Variants in BACH2 observed in about 807,000 individuals in gnomAD.
BACH2 encodes the protein BACH transcriptional regulator 2.
Under a neutral mutation model 61.8 loss-of-function variants are expected in BACH2, and 5 were observed. The ratio of observed to expected loss-of-function variants is 0.08; its 90% CI spans 0.04 to 0.17. The LOEUF is 0.17. Among genes scored for constraint, BACH2 ranks in the 10% least tolerant of loss-of-function variants. The pLI is 1.00. For missense variants in BACH2, 824 were observed against 1,091.1 expected, an observed-to-expected ratio of 0.76 and a Z score of 3.45; for synonymous variants, 446 against 440.1, an observed-to-expected ratio of 1.01 and a Z score of -0.17.
intron 3 of BACH2, among the ~76,000 whole-genome samples, chr6:90,243,611 C>T (rs1582525349): frequency 6.6e-6 from 1 of 152,188 alleles, no homozygotes; most frequent in Non-Finnish European, 1.5e-5. Flanking sequence ...TTTCCACACC[C>T]TCCCTAATAT....
chr6:90,165,179 C>CA (rs1232283987), intron 4 of BACH2, among the ~76,000 whole-genome samples: 1 of 152,170 alleles, frequency 6.6e-6, no homozygotes, highest in African/African-American at 2.4e-5. Flanking sequence ...CATCTCAGCA[C>CA]AAAATCTCCT....
chr6:90,243,243 G>A (rs562898127), intron 3 of BACH2, among the ~76,000 whole-genome samples: 24 of 151,858 alleles, frequency 1.6e-4, no homozygotes, highest in Middle Eastern at 3.4e-3. Context: ...ATAACTAGTC[G>A]CAAGGATCGT....
Position 90,116,873 on chromosome 6 carries a change from C to T in BACH2, c.-161-27764G>A, listed in dbSNP as rs550348353. The stretch of plus-strand genomic sequence containing the variant: ...GCACGCTTTGATATTTGATAGATGC[C>T]TCCAGGACCAAGGGATGTCTTTTTT... On this transcript the variant is annotated intron_variant, in intron 4 of 8. Transcript: ENST00000257749. 5.5e-5 allele frequency: 34 copies of T among 623,832 alleles called. 1 individual carries two copies. The East Asian group carries it at 1.6e-3, about 30-fold the overall frequency. The allele number at this position is 623,832 out of a possible 1,614,324, so 38.6% of individuals were successfully genotyped here. A position where few individuals can be genotyped will look rare whatever the true frequency, so the allele number is the denominator to read the frequency against.
chr6:90,204,063 T>C (rs913994354), intron 4 of BACH2, among the ~76,000 whole-genome samples: 1 of 152,124 alleles, frequency 6.6e-6, no homozygotes, highest in African/African-American at 2.4e-5. Context: ...AAAAGAGAGC[T>C]GTCAATGTCT....
At position 90,259,503 on chromosome 6, in the gene BACH2, A is replaced by G. The variant is rs559519319; in HGVS notation, c.-352-6913T>C. Among the ~76,000 whole-genome samples the G allele has an allele frequency of 4.6e-5, 7 of 152,336 alleles. No individual in the cohort carries two copies. In the South Asian group the frequency reaches 1.4e-3, roughly 32 times the overall value. ...TTTTACTGGGGCTTTTTGCACCAAT[A>G]TTCATCAGAGAAATTGGGTTTAAAT... On this transcript the variant is annotated intron_variant, in intron 2 of 8. Coordinates refer to ENST00000257749, the MANE Select transcript of BACH2 (RefSeq NM_021813.4).
intron 5 of BACH2, among the ~76,000 whole-genome samples, chr6:90,069,027 T>C (rs1781098907): frequency 6.6e-6 from 1 of 152,166 alleles, no homozygotes; most frequent in Non-Finnish European, 1.5e-5. Flanking sequence ...CTTCCCTCTG[T>C]CTTTCTGCTT....
chr6:90,190,083 AC>A (rs1434384886), intron 4 of BACH2, among the ~76,000 whole-genome samples: 1 of 152,132 alleles, frequency 6.6e-6, no homozygotes, highest in Non-Finnish European at 1.5e-5. Context: ...AGCTGGGATT[AC>A]AGGTGCACAC....
intron 3 of BACH2, among the ~76,000 whole-genome samples, chr6:90,209,043 G>A (rs1403929524): frequency 6.8e-6 from 1 of 147,946 alleles, no homozygotes; most frequent in Non-Finnish European, 1.5e-5. Context: ...TCATACACCA[G>A]GGCCTGTCGG....
chr6:90,284,082 C>G, intron 1 of BACH2, among the ~76,000 whole-genome samples: 2 of 152,190 alleles, frequency 1.3e-5, no homozygotes, highest in Middle Eastern at 6.8e-3. Flanking sequence ...ACATGTTGGT[C>G]TTACAGTCTA....
chr6:89,974,459 C>T (rs957006263), intron 6 of BACH2, among the ~76,000 whole-genome samples: 9 of 152,146 alleles, frequency 5.9e-5, no homozygotes, highest in Non-Finnish European at 1.3e-4. Context: ...AAACAGAGTC[C>T]TTTTCTTAGT....
At chr6:90,088,869 A>T (rs1782039227) in intron 5 of BACH2, 92 bp downstream of exon 5, 1 of 152,300 alleles carries the variant, frequency 6.6e-6, no homozygotes, top group Non-Finnish European at 1.5e-5. Flanking sequence ...AAAAAAAAGT[A>T]ATTCATGTGT....
chr6:90,201,457 T>G (rs1378653879), intron 4 of BACH2, among the ~76,000 whole-genome samples: 2 of 152,250 alleles, frequency 1.3e-5, no homozygotes, highest in Admixed American at 1.3e-4. Context: ...TTCTATTTTG[T>G]TGATCATATT....
At chr6:89,939,795 G>T (rs1331166564) in intron 7 of BACH2, among the ~76,000 whole-genome samples, 2 of 146,704 alleles carry the variant, frequency 1.4e-5, no homozygotes, top group African/African-American at 5.0e-5. Context: ...CTCCCAAGTA[G>T]CTGGGACAAC....
chr6:90,199,692 T>C (rs1225634346), intron 4 of BACH2, among the ~76,000 whole-genome samples: 1 of 152,176 alleles, frequency 6.6e-6, no homozygotes, highest in Non-Finnish European at 1.5e-5. Flanking sequence ...GCACCTCACA[T>C]TCGACAGGAC....
chr6:90,285,422 A>T (rs1436620355), intron 1 of BACH2, among the ~76,000 whole-genome samples: 1 of 152,346 alleles, frequency 6.6e-6, no homozygotes, highest in African/African-American at 2.4e-5. Flanking sequence ...AAGCCTAACT[A>T]AGTTAAAGGT....
intron 5 of BACH2, among the ~76,000 whole-genome samples, chr6:90,019,171 T>C (rs532997009): frequency 5.3e-5 from 8 of 152,296 alleles, no homozygotes; most frequent in African/African-American, 1.9e-4. Context: ...GTGGAGCATT[T>C]AATGTTCTAG....
intron 4 of BACH2, among the ~76,000 whole-genome samples, chr6:90,190,743 A>G (rs147398353): frequency 6.6e-6 from 1 of 152,336 alleles, no homozygotes; most frequent in African/African-American, 2.4e-5. Flanking sequence ...AAAAATGTAT[A>G]TGCATACCAA....
intron 4 of BACH2, among the ~76,000 whole-genome samples, chr6:90,121,674 C>T (rs1783631765): frequency 6.6e-6 from 1 of 152,064 alleles, no homozygotes; most frequent in African/African-American, 2.4e-5. Context: ...TCCCGAGTAG[C>T]TGGGATCTTA....
chr6:90,184,407 AAAAG>A (rs1768276812), intron 4 of BACH2, among the ~76,000 whole-genome samples: 1 of 152,206 alleles, frequency 6.6e-6, no homozygotes, highest in Non-Finnish European at 1.5e-5. Flanking sequence ...TGGCAGAGGT[AAAAG>A]AAAGATTCTG....
Sources: gnomAD v4.1 joint callset for allele counts (sites outside exome capture counted in the v4.1 genomes callset) on GRCh38, gnomAD v4.1.1 for gene constraint, MANE v1.5 for transcripts, NCBI Gene and HGNC (gene_info 2026-07-23, HGNC 2026-07-21) for gene names.